The following TNKS2 variants were observed in gnomAD, a reference collection of about 807,000 sequenced individuals.
TNKS2 encodes the protein tankyrase 2.
TNKS2 carries 72 observed loss-of-function variants against 137.6 expected under a neutral mutation model. That is an observed-to-expected ratio of 0.52 (90% CI 0.43 to 0.64). The LOEUF is 0.64. Among genes scored for constraint, TNKS2 ranks in the 30% least tolerant of loss-of-function variants. The pLI is 0.00. For synonymous variants in TNKS2, 516 were observed against 512.1 expected (o/e 1.01, Z -0.10); for missense variants, 1,049 against 1,410.2 (o/e 0.74, Z 4.10).
chr10:91,831,996 A>G (rs761536786), intron 11 of TNKS2, among the ~76,000 whole-genome samples: 12 of 152,168 alleles, frequency 7.9e-5, no homozygotes, highest in Non-Finnish European at 1.3e-4. Flanking sequence ...TCCATAAATG[A>G]AATTTGCAGA....
In TNKS2 at chr10:91,865,177, T is replaced by A. The variant is rs988532302; in HGVS notation, c.*2178T>A. The A allele has an allele frequency of 3.3e-5, 5 of 152,558 alleles. No homozygotes were observed. Among genetic ancestry groups the A allele is most frequent in the Non-Finnish European group, 7.4e-5 (5 of 68,004 alleles). The allele number at this position is 152,558 out of a possible 1,614,324, so 9.5% of individuals were successfully genotyped here. The stretch of plus-strand genomic sequence containing the variant: ...TTTTTTTTGAAGTGAAATTTAACTT[T>A]TTGTGCAAGTAGTACTATTATACCC... On this transcript the variant is annotated 3_prime_UTR_variant, in exon 27 of 27. Coordinates refer to ENST00000371627, the MANE Select transcript of TNKS2 (RefSeq NM_025235.4).
chr10:91,861,910 A>C (rs1033088578), intron 25 of TNKS2, 89 bp from the exon 26 acceptor site: 1 of 1,212,904 alleles, frequency 8.2e-7, no homozygotes, highest in Admixed American at 2.7e-5. Context: ...TGTATAAATA[A>C]TTTTTTAAAA....
chr10:91,828,224 T>C (rs1045044723), intron 8 of TNKS2, 61 bp from the exon 9 acceptor site: 14 of 1,393,536 alleles, frequency 1.0e-5, no homozygotes, highest in Non-Finnish European at 1.3e-5. Flanking sequence ...ACTAGATGTC[T>C]TTTAGATAAG....
At chr10:91,837,355 C>G (rs1160684300) in intron 13 of TNKS2, among the ~76,000 whole-genome samples, 2 of 152,164 alleles carry the variant, frequency 1.3e-5, no homozygotes, top group African/African-American at 4.8e-5. Context: ...AGGGGAAAAA[C>G]AGTGTATCAC....
At chr10:91,846,734 A>G (rs1431299066) in intron 18 of TNKS2, among the ~76,000 whole-genome samples, 2 of 132,954 alleles carry the variant, frequency 1.5e-5, no homozygotes, top group Non-Finnish European at 2.9e-5. Flanking sequence ...GTGCTTAAGT[A>G]GGTTTTTCTC....
chr10:91,807,567 G>T, intron 1 of TNKS2: 2 of 858,692 alleles, frequency 2.3e-6, no homozygotes, highest in Non-Finnish European at 1.9e-6. Flanking sequence ...TTACTTCTCA[G>T]ACTCCTTTTC....
chr10:91,827,120 G>T lies in TNKS2; in HGVS notation c.899G>T (p.Gly300Val). The T allele has an allele frequency of 2.5e-6, 4 of 1,611,798 alleles. No homozygotes were observed. The highest frequency in any genetic ancestry group is 3.4e-6 in the Non-Finnish European group (4 of 1,178,906). The change falls in exon 8 of 27, where the codon GGT becomes GTT. Residue 300 changes from glycine (G) to valine (V), a missense_variant. Physicochemically the swap from Gly to Val is moderately radical, Grantham distance 109. This residue lies in a region of TNKS2 where 374 missense variants were observed against 460.8 expected (regional missense o/e 0.81). Coordinates refer to ENST00000371627, the MANE Select transcript of TNKS2 (RefSeq NM_025235.4). The stretch of plus-strand genomic sequence containing the variant: ...GTATGTTCTCTTCTCTTAAGTTATG[G>T]TGCAGACCCAACACTGCTCAATTGT... ...VEVCSLLLSY[G>V]ADPTLLNCHN...
At chr10:91,822,579 T>G (rs1844926387) in intron 7 of TNKS2, among the ~76,000 whole-genome samples, 1 of 151,912 alleles carries the variant, frequency 6.6e-6, no homozygotes, top group African/African-American at 2.4e-5. Flanking sequence ...TTTTGTTTTG[T>G]TTTTTTGAGA....
intron 15 of TNKS2, among the ~76,000 whole-genome samples, chr10:91,841,964 T>TA (rs11394924): frequency 0.7 from 106,205 of 151,982 alleles, 38,311 homozygotes; most frequent in East Asian, 0.91. Context: ...ATTAATGCAT[T>TA]AAAAAATCCA....
At chr10:91,845,970 G>GT in intron 18 of TNKS2, 30 bp downstream of exon 18, 1 of 1,477,972 alleles carries the variant, frequency 6.8e-7, no homozygotes, top group Non-Finnish European at 9.1e-7. Context: ...AAAAATCTCA[G>GT]TGCTTTTCTG....
At position 91,849,571 on chromosome 10, in the gene TNKS2, A is replaced by C; in HGVS notation, c.2671A>C (p.Met891Leu). ...FVRNLGLEHL[M>L]DIFEREQITL... ...AAGGAATCTTGGACTTGAGCACCTA[A>C]TGGATATATTTGAGAGAGAACAGGT... Residue 891 changes from methionine (M) to leucine (L), a missense_variant, in exon 20 of 27, where the codon ATG becomes CTG. Met to Leu is a conservative substitution (Grantham distance 15). Around this residue, in one of 6 missense-constraint regions of TNKS2, gnomAD observed 208 missense variants for 231.2 expected, o/e 0.90. Coordinates refer to ENST00000371627, the MANE Select transcript of TNKS2 (RefSeq NM_025235.4). 6.2e-7 allele frequency: 1 copy of C among 1,611,876 alleles called. No individual in the cohort carries two copies. Among genetic ancestry groups the C allele is most frequent in the Non-Finnish European group, 8.5e-7 (1 of 1,179,140 alleles).
At chr10:91,803,043 G>A (rs574424442) in intron 1 of TNKS2, among the ~76,000 whole-genome samples, 3 of 152,326 alleles carry the variant, frequency 2.0e-5, no homozygotes, top group South Asian at 2.1e-4. Flanking sequence ...CCCCCATTCA[G>A]ATGGTCAAAA....
intron 21 of TNKS2, 115 bp downstream of exon 21, chr10:91,851,451 T>C: frequency 8.3e-7 from 1 of 1,202,152 alleles, no homozygotes; most frequent in Non-Finnish European, 1.1e-6. Flanking sequence ...GGAAGAATAC[T>C]AATTTAGGAT....
At chr10:91,840,355 CAAAAA>C (rs1389441612) in intron 13 of TNKS2, among the ~76,000 whole-genome samples, 1 of 148,396 alleles carries the variant, frequency 6.7e-6, no homozygotes, top group Non-Finnish European at 1.5e-5. Context: ...AATAATAAGA[CAAAAA>C]AAAAGGGCAT....
At chr10:91,802,288 C>A (rs1243860990) in intron 1 of TNKS2, among the ~76,000 whole-genome samples, 3 of 152,026 alleles carry the variant, frequency 2.0e-5, no homozygotes, top group Admixed American at 2.0e-4. Context: ...AGCATAGATA[C>A]GAAAATTAGT....
rs61756248 is a variant in TNKS2, at chr10:91,813,136, A to G, written c.353A>G (p.Asn118Ser). Reference sequence around the variant, plus strand: ...CTTTTGCGACATGGTGCAGACCCCAATGCTCGAGATAATTGGAATTATACT... The same window carrying G: ...CTTTTGCGACATGGTGCAGACCCCAGTGCTCGAGATAATTGGAATTATACT... ...NLLLRHGADPNARDNWNYTPL... is the reference protein window; with the variant it reads ...NLLLRHGADPSARDNWNYTPL... The change falls in exon 2 of 27, where the codon AAT becomes AGT. Residue 118 changes from asparagine to serine, a missense_variant. By Grantham distance (46) the Asn-to-Ser change is conservative (BLOSUM62 1). Coordinates refer to ENST00000371627, the MANE Select transcript of TNKS2 (RefSeq NM_025235.4). 342 of 1,614,068 alleles carry G rather than the reference A, an allele frequency of 2.1e-4. No individual in the cohort carries two copies. The highest frequency in any genetic ancestry group is 2.4e-4 in the Non-Finnish European group (280 of 1,180,042).
At chr10:91,828,461 A>G in intron 9 of TNKS2, 55 bp downstream of exon 9, 1 of 1,420,930 alleles carries the variant, frequency 7.0e-7, no homozygotes, top group South Asian at 1.6e-5. Context: ...GTGCTAAACT[A>G]ATCATAATAT....
intron 8 of TNKS2, 21 bp from the exon 9 acceptor site, chr10:91,828,264 A>G: frequency 6.5e-7 from 1 of 1,546,638 alleles, no homozygotes; most frequent in Non-Finnish European, 8.7e-7. Context: ...TTATACATGT[A>G]AATGCTTTTT....
Position 91,819,484 on chromosome 10 carries a change from G to T in TNKS2, c.560G>T (p.Ser187Ile), listed in dbSNP as rs1238897560. The change falls in exon 5 of 27, where the codon AGT becomes ATT. Residue 187 changes from serine to isoleucine, a missense_variant and splice_region_variant. By Grantham distance (142) the Ser-to-Ile change is moderately radical. Coordinates refer to ENST00000371627, the MANE Select transcript of TNKS2 (RefSeq NM_025235.4). ...KKDELLESARSGNEEKMMALL... is the reference protein window; with the variant it reads ...KKDELLESARIGNEEKMMALL... ...CTAATACTTTTTTTGTATTCTAGGA[G>T]TGGCAATGAAGAAAAAATGATGGCT... The T allele has an allele frequency of 1.3e-6, 2 of 1,585,970 alleles. No individual in the cohort carries two copies. The highest frequency in any genetic ancestry group is 3.8e-5 in the Admixed American group (2 of 53,000).
Sources: gnomAD v4.1 joint callset for allele counts (sites outside exome capture counted in the v4.1 genomes callset) on GRCh38, gnomAD v4.1.1 for gene constraint, gnomAD v4.1.1 regional missense constraint, MANE v1.5 for transcripts, NCBI Gene and HGNC (gene_info 2026-07-23, HGNC 2026-07-21) for gene names.